Variants in ZNF469 observed in about 807,000 individuals in gnomAD.
ZNF469 encodes the protein zinc finger protein 469.
In ZNF469, 1 loss-of-function variant was observed where a neutral mutation model predicts 1.0. That is an observed-to-expected ratio of 1.00 (90% CI 0.35 to 4.73). The LOEUF is 4.73. Among genes scored for constraint, ZNF469 ranks in the 30% most tolerant of loss-of-function variants. ZNF469 has a pLI of 0.16. For synonymous variants in ZNF469, 2,703 were observed against 2,363.4 expected (o/e 1.14, Z -4.17); for missense variants, 6,100 against 5,356.3 (o/e 1.14, Z -4.33).
At chr16:88,107,325 G>A in the ZNF469 span, among the ~76,000 whole-genome samples, 132 of 152,360 alleles carry the variant, frequency 8.7e-4, 1 homozygote, top group Middle Eastern at 6.8e-3. Context: ...CAATCATGGC[G>A]GAAGGCGAAG....
chr16:88,296,465 C>T, the ZNF469 span, among the ~76,000 whole-genome samples: 2 of 142,754 alleles, frequency 1.4e-5, no homozygotes, highest in Non-Finnish European at 1.5e-5. Flanking sequence ...CTCCCCCCCA[C>T]ACACAGTGCA....
chr16:88,163,056 G>T, the ZNF469 span, among the ~76,000 whole-genome samples: 221 of 152,176 alleles, frequency 1.5e-3, no homozygotes, highest in South Asian at 7.7e-3. Flanking sequence ...TGTGTGGGTG[G>T]GTAGATGGAT....
chr16:88,358,974 C>A, the ZNF469 span, among the ~76,000 whole-genome samples: 2 of 152,154 alleles, frequency 1.3e-5, no homozygotes, highest in African/African-American at 4.8e-5. Flanking sequence ...TGTGGGCTTC[C>A]TTGGACAGCT....
chr16:88,294,337 G>A, the ZNF469 span, among the ~76,000 whole-genome samples: 12 of 152,098 alleles, frequency 7.9e-5, no homozygotes, highest in African/African-American at 2.7e-4. Flanking sequence ...CTAAGCACCC[G>A]CTCCTTCCTT....
At chr16:88,329,030 C>T in the ZNF469 span, among the ~76,000 whole-genome samples, 6 of 152,352 alleles carry the variant, frequency 3.9e-5, no homozygotes, top group South Asian at 6.2e-4. Context: ...CCAGAGACCA[C>T]CTGCCTCCAT....
At chr16:88,166,772 A>AATACACACACACACACACAC in the ZNF469 span, among the ~76,000 whole-genome samples, 2 of 145,782 alleles carry the variant, frequency 1.4e-5, no homozygotes, top group African/African-American at 5.2e-5. This position sits in a 1 kb window ranked among gnomAD's most constrained non-coding sequence, Gnocchi z 4.5. Flanking sequence ...CAGAATCATA[A>AATACACACACACACACACAC]ACACACACAC....
At chr16:88,404,493 T>A (rs1431903049) in intron 1 of ZNF469, among the ~76,000 whole-genome samples, 2 of 152,126 alleles carry the variant, frequency 1.3e-5, no homozygotes, top group African/African-American at 4.8e-5. Context: ...CTGTTAGGCC[T>A]TCGTGGTGGG....
the ZNF469 span, among the ~76,000 whole-genome samples, chr16:88,360,308 C>T: frequency 6.6e-6 from 1 of 152,226 alleles, no homozygotes. Flanking sequence ...GTGTGAGCCA[C>T]CGTGCCTGGC....
chr16:88,282,739 C>T, the ZNF469 span, among the ~76,000 whole-genome samples: 4 of 152,178 alleles, frequency 2.6e-5, no homozygotes, highest in African/African-American at 4.8e-5. Context: ...ACGTCTCACC[C>T]GTAAAGGGTC....
At chr16:88,148,780 C>G in the ZNF469 span, among the ~76,000 whole-genome samples, 1 of 152,144 alleles carries the variant, frequency 6.6e-6, no homozygotes, top group African/African-American at 2.4e-5. Flanking sequence ...AGGCGTCGTG[C>G]TGGGGCCAAC....
Position 88,429,869 on chromosome 16 carries a change from C to T in ZNF469, c.2399C>T (p.Ala800Val). ...LLSHAKTFLLAGDAQAEGKDD... is the reference protein window; with the variant it reads ...LLSHAKTFLLVGDAQAEGKDD... ...AGCCACGCGAAGACCTTCCTGTTAG[C>T]TGGGGACGCCCAGGCCGAGGGCAAA... The change falls in exon 3 of 3, where the codon GCT (alanine) becomes GTT (valine). Residue 800 changes from alanine (A) to valine (V), a missense_variant. By Grantham distance (64) the Ala-to-Val change is moderately conservative (BLOSUM62 0). Transcript: ENST00000565624. 8 of 1,550,106 alleles carry T rather than the reference C, an allele frequency of 5.2e-6. No individual in the cohort carries two copies. Among genetic ancestry groups the T allele is most frequent in the Non-Finnish European group, 7.0e-6 (8 of 1,146,848 alleles).
the ZNF469 span, among the ~76,000 whole-genome samples, chr16:88,115,688 T>C: frequency 1.6e-4 from 1 of 6,400 alleles, no homozygotes; most frequent in Non-Finnish European, 3.6e-4. Context: ...GGCCCTTCCA[T>C]CTGTACTCCC....
In ZNF469 at chr16:88,435,281, C is replaced by T. The variant is rs1567515052; in HGVS notation, c.7811C>T (p.Pro2604Leu). Reference sequence around the variant, plus strand: ...CAGGCCAGGGAAGATGAGCTGCATCCCAAACAGGCAGAAAAAAGAGAAGGC... The same window carrying T: ...CAGGCCAGGGAAGATGAGCTGCATCTCAAACAGGCAGAAAAAAGAGAAGGC... Reference protein sequence around the residue: ...PDQAREDELHPKQAEKREGRR... With the variant: ...PDQAREDELHLKQAEKREGRR... The change falls in exon 3 of 3, where the codon CCC (proline) becomes CTC (leucine). Residue 2604 changes from proline to leucine, a missense_variant. Physicochemically the swap from Pro to Leu is moderately conservative, Grantham distance 98. Transcript: ENST00000565624. 6.5e-7 allele frequency: 1 copy of T among 1,550,264 alleles called. No homozygotes were observed. The highest frequency in any genetic ancestry group is 1.2e-5 in the South Asian group (1 of 84,066).
chr16:88,186,500 C>G, the ZNF469 span, among the ~76,000 whole-genome samples: 1 of 152,104 alleles, frequency 6.6e-6, no homozygotes, highest in Middle Eastern at 3.2e-3. Context: ...CTTGGCAGGT[C>G]GCGTCCTCCC....
chr16:88,118,165 A>T, the ZNF469 span, among the ~76,000 whole-genome samples: 1 of 151,674 alleles, frequency 6.6e-6, no homozygotes, highest in African/African-American at 2.4e-5. Context: ...CTGCTCTCAA[A>T]CTCCTGACCT....
the ZNF469 span, among the ~76,000 whole-genome samples, chr16:88,148,360 C>A: frequency 2.0e-5 from 3 of 152,168 alleles, no homozygotes; most frequent in African/African-American, 7.2e-5. Flanking sequence ...AAGAGGATGC[C>A]CTGCTCCATG....
At chr16:88,346,203 T>G in the ZNF469 span, among the ~76,000 whole-genome samples, 1 of 152,214 alleles carries the variant, frequency 6.6e-6, no homozygotes, top group Non-Finnish European at 1.5e-5. Context: ...GATTCTCCAG[T>G]GGTTTCCAGG....
At chr16:88,308,872 C>T in the ZNF469 span, among the ~76,000 whole-genome samples, 2 of 152,144 alleles carry the variant, frequency 1.3e-5, no homozygotes, top group Non-Finnish European at 2.9e-5. Context: ...GACCAGTGGC[C>T]CAGCCTCTGC....
chr16:88,136,323 G>T, the ZNF469 span, among the ~76,000 whole-genome samples: 7 of 152,180 alleles, frequency 4.6e-5, no homozygotes, highest in East Asian at 7.7e-4. Context: ...TTCTCACAAC[G>T]CTGATTTTCA....
Sources: allele counts gnomAD v4.1 joint callset (sites outside exome capture counted in the v4.1 genomes callset), GRCh38; gene constraint gnomAD v4.1.1; non-coding constraint Gnocchi (gnomAD v3.1); transcripts MANE v1.5; gene names NCBI Gene and HGNC (gene_info 2026-07-23, HGNC 2026-07-21).